FAF1: variants seen among roughly 807,000 people sequenced by gnomAD.
FAF1 encodes the protein Fas associated factor 1, also known as FAS-associated factor 1.
FAF1 carries 25 observed loss-of-function variants against 92.5 expected under a neutral mutation model. That is an observed-to-expected ratio of 0.27 (90% CI 0.20 to 0.38). FAF1 has a LOEUF of 0.38. Ranked by LOEUF, FAF1 falls within the 10% of genes least tolerant of loss-of-function variation. FAF1 has a pLI of 1.00. For synonymous variants in FAF1, 234 were observed against 273.2 expected (o/e 0.86, Z 1.42); for missense variants, 636 against 793.3 (o/e 0.80, Z 2.38).
rs112112465 is a variant in FAF1 at position 50,591,873 on chromosome 1, G to A, written c.840+4248C>T. Among the ~76,000 whole-genome samples, 186 of 152,090 alleles carry A rather than the reference G, an allele frequency of 1.2e-3. 1 individual carries two copies. The highest frequency in any genetic ancestry group is 2.2e-3 in the Non-Finnish European group (147 of 67,988). ...CTTTTTTTCTCTGAATGGAATGAATGGAATATGATTCCTTTGATTCTTTAT... is the reference window on the plus strand; with the variant it reads ...CTTTTTTTCTCTGAATGGAATGAATAGAATATGATTCCTTTGATTCTTTAT... On this transcript the variant is annotated intron_variant, in intron 9 of 18. Coordinates refer to ENST00000396153, the MANE Select transcript of FAF1 (RefSeq NM_007051.3).
intron 8 of FAF1, among the ~76,000 whole-genome samples, chr1:50,648,865 G>T (rs933884364): frequency 6.6e-6 from 1 of 152,222 alleles, no homozygotes; most frequent in African/African-American, 2.4e-5. Context: ...GGCGGAGGTT[G>T]CGGTGAGCCA....
chr1:50,564,295 T>TTTTTTTTTTTTTTTTTTTTTGAG (rs1266408950), intron 13 of FAF1, among the ~76,000 whole-genome samples: 2 of 152,064 alleles, frequency 1.3e-5, no homozygotes, highest in Non-Finnish European at 2.9e-5. Flanking sequence ...TCTAAATTTT[T>TTTTTTTTTTTTTTTTTTTTTGAG]ATGGCCTGTC....
intron 4 of FAF1, among the ~76,000 whole-genome samples, chr1:50,766,104 T>C (rs1034541097): frequency 6.6e-6 from 1 of 151,400 alleles, no homozygotes; most frequent in Non-Finnish European, 1.5e-5. Context: ...AAAAAAAAAG[T>C]AAAATGAGAC....
rs1163730231 is a variant in FAF1 at position 50,668,917 on chromosome 1, T to G, written c.658-13389A>C. On this transcript the variant is annotated intron_variant, in intron 7 of 18. Transcript: ENST00000396153. ...TGCCTGAAGTCTCCTGTTAAAAAAT[T>G]ACTCCTATTTATCCATTAACAAAGC... is the stretch of plus-strand genomic sequence containing the variant. Among the ~76,000 whole-genome samples the G allele has an allele frequency of 2.0e-5, 3 of 152,126 alleles. No homozygotes were observed. In the East Asian group the frequency reaches 5.8e-4, roughly 29 times the overall value.
intron 1 of FAF1, among the ~76,000 whole-genome samples, chr1:50,942,634 C>A (rs1312054591): frequency 6.6e-6 from 1 of 152,204 alleles, no homozygotes; most frequent in Non-Finnish European, 1.5e-5. Context: ...GGCAAGCTAA[C>A]AACCTGGCCT....
chr1:50,806,167 C>A (rs936473706), intron 2 of FAF1, among the ~76,000 whole-genome samples: 2 of 151,894 alleles, frequency 1.3e-5, no homozygotes, highest in East Asian at 3.9e-4. Context: ...GGAGACTTAA[C>A]AAGACAAGTC....
intron 6 of FAF1, among the ~76,000 whole-genome samples, chr1:50,721,255 C>G (rs569589149): frequency 1.3e-3 from 204 of 151,796 alleles, no homozygotes; most frequent in Non-Finnish European, 2.1e-3. Context: ...ATAAGTGAGA[C>G]GAGTCTCACT....
chr1:50,852,751 A>C (rs1197323234), intron 2 of FAF1, among the ~76,000 whole-genome samples: 2 of 152,176 alleles, frequency 1.3e-5, no homozygotes, highest in Non-Finnish European at 2.9e-5. Flanking sequence ...ATATAATAAA[A>C]CTAACATTTA....
intron 15 of FAF1, among the ~76,000 whole-genome samples, chr1:50,522,042 G>A (rs565922555): frequency 1.2e-4 from 18 of 152,300 alleles, no homozygotes; most frequent in Middle Eastern, 3.4e-3. Flanking sequence ...TGTAAACAGG[G>A]ACGGTATGGA....
chr1:50,937,459 C>T (rs1332924789), intron 1 of FAF1, among the ~76,000 whole-genome samples: 3 of 151,860 alleles, frequency 2.0e-5, no homozygotes, highest in Admixed American at 2.0e-4. Context: ...CAGTAAGTTA[C>T]AAAGAGGTAA....
At chr1:50,888,117 G>A (rs1013768179) in intron 1 of FAF1, among the ~76,000 whole-genome samples, 3 of 152,158 alleles carry the variant, frequency 2.0e-5, no homozygotes, top group Non-Finnish European at 4.4e-5. Context: ...TGGATTCCTA[G>A]GTGTTTTATT....
At chr1:50,566,410 C>T (rs931245897) in intron 13 of FAF1, among the ~76,000 whole-genome samples, 4 of 152,164 alleles carry the variant, frequency 2.6e-5, no homozygotes, top group South Asian at 4.1e-4. Context: ...TGGGATGTTA[C>T]GGCCACATGT....
In FAF1 at chr1:50,598,377, G is replaced by A. The variant is rs1651931643; in HGVS notation, c.745-2161C>T. Among the ~76,000 whole-genome samples the A allele has an allele frequency of 2.0e-5, 3 of 149,614 alleles. No homozygotes were observed. The South Asian group carries it at 6.4e-4, about 32-fold the overall frequency. On this transcript the variant is annotated intron_variant, in intron 8 of 18. Coordinates refer to ENST00000396153, the MANE Select transcript of FAF1 (RefSeq NM_007051.3). ...CTAGGGAGGCTGAGATGGGAGGATT[G>A]CTTGAGCCCAGGAGGTCAAGGCTGC...
rs34071985 is a variant in FAF1, at chr1:50,510,165, C to CAA, written c.1495-18366_1495-18365dup. Among the ~76,000 whole-genome samples the CAA allele has an allele frequency of 7.6e-4, 46 of 60,876 alleles. 1 individual carries two copies. The highest frequency in any genetic ancestry group is 2.0e-3 in the African/African-American group (31 of 15,782). 39.9% of individuals were successfully genotyped at this position (60,876 alleles called of 152,430 possible). ...TGGGTGACAGAACGAGACTCTGTCTCAAAAAAAAAAAAAAAAAAATTTAAA... is the reference window on the plus strand; with the variant it reads ...TGGGTGACAGAACGAGACTCTGTCTCAAAAAAAAAAAAAAAAAAAAATTTAAA... On this transcript the variant is annotated intron_variant, in intron 15 of 18. Transcript: ENST00000396153.
intron 2 of FAF1, among the ~76,000 whole-genome samples, chr1:50,835,705 A>G (rs1269535423): frequency 2.6e-5 from 4 of 152,216 alleles, no homozygotes; most frequent in Admixed American, 2.6e-4. Context: ...ATTCATGAAA[A>G]TCATCGAACA....
At chr1:50,621,558 C>A (rs1236846468) in intron 8 of FAF1, among the ~76,000 whole-genome samples, 2 of 151,740 alleles carry the variant, frequency 1.3e-5, no homozygotes, top group Non-Finnish European at 2.9e-5. Context: ...CACCACCACA[C>A]AGTTAATTTT....
chr1:50,948,068 T>C (rs1389414751), intron 1 of FAF1, among the ~76,000 whole-genome samples: 1 of 152,092 alleles, frequency 6.6e-6, no homozygotes, highest in East Asian at 1.9e-4. Flanking sequence ...AAGAGAGATG[T>C]ACAAAATAGA....
chr1:50,845,616 T>C (rs1001867654), intron 2 of FAF1, among the ~76,000 whole-genome samples: 2 of 152,104 alleles, frequency 1.3e-5, no homozygotes, highest in African/African-American at 4.8e-5. Context: ...TGCTAACTGC[T>C]TGTCCAGTGA....
At chr1:50,903,947 C>G (rs1644815760) in intron 1 of FAF1, among the ~76,000 whole-genome samples, 1 of 152,140 alleles carries the variant, frequency 6.6e-6, no homozygotes, top group South Asian at 2.1e-4. Context: ...TATAAAACTT[C>G]TACATAAGTA....
Sources: allele counts gnomAD v4.1 joint callset (sites outside exome capture counted in the v4.1 genomes callset), GRCh38; gene constraint gnomAD v4.1.1; transcripts MANE v1.5; gene names NCBI Gene and HGNC (gene_info 2026-07-23, HGNC 2026-07-21).